The following CSMD1 variants were observed in gnomAD, a reference collection of about 807,000 sequenced individuals.
CSMD1 encodes the protein CUB and sushi domain-containing protein 1.
A neutral mutation model predicts 417.5 loss-of-function variants in CSMD1; 213 were observed. The observed-to-expected ratio is 0.51, with a 90% CI of 0.46 to 0.57. The LOEUF (loss-of-function observed/expected upper bound fraction) is 0.57. Ranked by LOEUF, CSMD1 falls within the 20% of genes least tolerant of loss-of-function variation. The pLI, the probability that CSMD1 is intolerant of heterozygous loss-of-function variation, is 0.00. For missense variants in CSMD1, 6,923 were observed against 4,529.7 expected, an observed-to-expected ratio of 1.53 and a Z score of -15.17; for synonymous variants, 2,862 against 1,736.8, an observed-to-expected ratio of 1.65 and a Z score of -16.11.
intron 2 of CSMD1, among the ~76,000 whole-genome samples, chr8:4,428,882 T>C (rs908349734): frequency 6.6e-6 from 1 of 151,982 alleles, no homozygotes; most frequent in African/African-American, 2.4e-5. Flanking sequence ...GTCCAGCTAA[T>C]TTTTGCATTT....
chr8:4,373,519 A>T (rs1802527768), intron 3 of CSMD1, among the ~76,000 whole-genome samples: 1 of 152,190 alleles, frequency 6.6e-6, no homozygotes, highest in Non-Finnish European at 1.5e-5. Context: ...AACTTTCAGA[A>T]CTACTGCATT....
chr8:4,347,538 G>A (rs932944075), intron 3 of CSMD1, among the ~76,000 whole-genome samples: 1 of 152,192 alleles, frequency 6.6e-6, no homozygotes, highest in African/African-American at 2.4e-5. Flanking sequence ...GGATAAGGCT[G>A]TCTCAACAGA....
chr8:3,350,844 G>A (rs192822041), intron 21 of CSMD1, among the ~76,000 whole-genome samples: 2 of 147,534 alleles, frequency 1.4e-5, no homozygotes, highest in East Asian at 2.0e-4. Flanking sequence ...TTTGGAATCT[G>A]GGATTTTTTT....
chr8:3,419,509 T>C (rs1585137251), intron 12 of CSMD1, among the ~76,000 whole-genome samples: 1 of 152,374 alleles, frequency 6.6e-6, no homozygotes, highest in East Asian at 1.9e-4. Flanking sequence ...AAAAACTCTA[T>C]GTATTTGTGT....
At chr8:3,978,190 T>A (rs895259036) in intron 5 of CSMD1, among the ~76,000 whole-genome samples, 1 of 152,154 alleles carries the variant, frequency 6.6e-6, no homozygotes, top group Non-Finnish European at 1.5e-5. Context: ...AGGACTCCTG[T>A]TATTACCAAT....
intron 3 of CSMD1, among the ~76,000 whole-genome samples, chr8:4,129,762 A>G (rs929505099): frequency 6.6e-6 from 1 of 152,076 alleles, no homozygotes; most frequent in African/African-American, 2.4e-5. Context: ...CCATCCTGGA[A>G]AATTTCTTCA....
At chr8:4,306,210 C>T (rs1042275725) in intron 3 of CSMD1, among the ~76,000 whole-genome samples, 7 of 152,162 alleles carry the variant, frequency 4.6e-5, no homozygotes, top group Non-Finnish European at 8.8e-5. Flanking sequence ...GTGTGCTCTT[C>T]AGAAAAGTTC....
rs533991631 is a variant in CSMD1 at position 3,683,782 on chromosome 8, C to A, written c.1009+24632G>T. ...AAAATGTTATGTTCTTCCAGTTAAA[C>A]CACATCTGCTTTGTGTTAACTTGAT... On this transcript the variant is annotated intron_variant, in intron 7 of 69. Coordinates refer to ENST00000635120, the MANE Select transcript of CSMD1 (RefSeq NM_033225.6). 1.2e-3 allele frequency among the ~76,000 whole-genome samples: 181 copies of A among 152,220 alleles called. 1 individual carries two copies. The highest frequency in any genetic ancestry group is 3.2e-3 in the African/African-American group (131 of 41,536).
intron 29 of CSMD1, among the ~76,000 whole-genome samples, chr8:3,215,326 G>A (rs1351898633): frequency 1.3e-5 from 2 of 152,200 alleles, no homozygotes; most frequent in African/African-American, 4.8e-5. Flanking sequence ...ATAGATGATG[G>A]TCAAACATTG....
chr8:3,275,468 G>A (rs896122346), intron 26 of CSMD1, among the ~76,000 whole-genome samples: 1 of 152,144 alleles, frequency 6.6e-6, no homozygotes, highest in Admixed American at 6.5e-5. Flanking sequence ...GAATGTGAAT[G>A]TTGACCTGCC....
intron 5 of CSMD1, among the ~76,000 whole-genome samples, chr8:3,899,967 A>C (rs1807619393): frequency 6.6e-6 from 1 of 152,248 alleles, no homozygotes; most frequent in Non-Finnish European, 1.5e-5. Context: ...GTTGCTCTCC[A>C]CTGGGCTTGT....
intron 57 of CSMD1, 94 bp from the exon 58 acceptor site, chr8:2,966,840 T>A: frequency 8.9e-7 from 1 of 1,126,858 alleles, no homozygotes; most frequent in East Asian, 2.6e-5. Flanking sequence ...TGCAATAGAC[T>A]ACACATTTAT....
At chr8:2,985,965 GAAGGGGAAGGGA>G (rs1404412460) in intron 54 of CSMD1, among the ~76,000 whole-genome samples, 66 of 133,420 alleles carry the variant, frequency 4.9e-4, no homozygotes, top group Middle Eastern at 3.6e-3. Context: ...AGGGGAAGGG[GAAGGGGAAGGGA>G]AAGGGGAAGG....
At chr8:3,688,437 G>T (rs964513832) in intron 7 of CSMD1, among the ~76,000 whole-genome samples, 1 of 152,190 alleles carries the variant, frequency 6.6e-6, no homozygotes, top group Non-Finnish European at 1.5e-5. Flanking sequence ...ACTGCTACAT[G>T]ATTTGAGGCA....
At chr8:3,678,201 A>G (rs1799478474) in intron 7 of CSMD1, among the ~76,000 whole-genome samples, 1 of 152,196 alleles carries the variant, frequency 6.6e-6, no homozygotes, top group Non-Finnish European at 1.5e-5. Flanking sequence ...GACTTTGATG[A>G]GCTGAGAGAA....
At position 2,935,589 on chromosome 8, in the gene CSMD1, TA is replaced by T. The variant is rs1249392581; in HGVS notation, c.*2995del. 3 of 152,364 alleles carry T rather than the reference TA, an allele frequency of 2.0e-5. No homozygotes were observed. The highest frequency in any genetic ancestry group is 7.2e-5 in the African/African-American group (3 of 41,594). The allele number at this position is 152,364 out of a possible 1,614,324, so 9.4% of individuals were successfully genotyped here. Reference sequence around the variant, plus strand: ...TACAGTTCTGTATTGTAAAAACATTTATTTTTTAACAATGTACCTACATTAA... The same window carrying T: ...TACAGTTCTGTATTGTAAAAACATTTTTTTTTAACAATGTACCTACATTAA... On this transcript the variant is annotated 3_prime_UTR_variant, in exon 70 of 70. Transcript: ENST00000635120.
intron 41 of CSMD1, among the ~76,000 whole-genome samples, chr8:3,121,697 G>T (rs950419714): frequency 1.3e-5 from 2 of 152,140 alleles, no homozygotes; most frequent in African/African-American, 4.8e-5. Flanking sequence ...TACTAGGGAG[G>T]CTGGGGCAGG....
chr8:4,054,861 T>G (rs933759291), intron 3 of CSMD1, among the ~76,000 whole-genome samples: 2 of 152,148 alleles, frequency 1.3e-5, no homozygotes, highest in Admixed American at 6.6e-5. Flanking sequence ...AGAGAATGTA[T>G]TGAAATGTTC....
intron 2 of CSMD1, among the ~76,000 whole-genome samples, chr8:4,519,742 CAAAAAAAAAAAAAAAAAAAA>C (rs57747377): frequency 1.4e-4 from 11 of 80,368 alleles, no homozygotes; most frequent in East Asian, 4.2e-4. Context: ...GACTTCATCT[CAAAAAAAAAAAAAAAAAAAA>C]AAAAAAAAAA....
Sources: allele counts gnomAD v4.1 joint callset (sites outside exome capture counted in the v4.1 genomes callset), GRCh38; gene constraint gnomAD v4.1.1; transcripts MANE v1.5; gene names NCBI Gene and HGNC (gene_info 2026-07-23, HGNC 2026-07-21).